Variants in MPPED2 observed in about 807,000 individuals in gnomAD.
The protein encoded by MPPED2 is metallophosphoesterase MPPED2.
Under a neutral mutation model 33.0 loss-of-function variants are expected in MPPED2, and 5 were observed. The observed-to-expected ratio is 0.15, with a 90% CI of 0.08 to 0.32. The LOEUF is 0.32. Among genes scored for constraint, MPPED2 ranks in the 10% least tolerant of loss-of-function variants. The pLI is 1.00. For missense variants in MPPED2, 275 were observed against 372.1 expected, an observed-to-expected ratio of 0.74 and a Z score of 2.15; for synonymous variants, 136 against 141.9, an observed-to-expected ratio of 0.96 and a Z score of 0.29.
chr11:30,476,187 T>G (rs894083367), intron 4 of MPPED2, among the ~76,000 whole-genome samples: 4 of 152,020 alleles, frequency 2.6e-5, no homozygotes, highest in African/African-American at 9.7e-5. Context: ...TATGTTCCCC[T>G]AGACTATGTT....
downstream of MPPED2, among the ~76,000 whole-genome samples, chr11:30,406,050 A>T (rs1480245021): frequency 6.6e-6 from 1 of 152,146 alleles, no homozygotes; most frequent in South Asian, 2.1e-4. Flanking sequence ...TCATGTTCTG[A>T]GGTAGAAAAG....
At chr11:30,444,012 T>C (rs1361633202) in intron 4 of MPPED2, among the ~76,000 whole-genome samples, 2 of 152,234 alleles carry the variant, frequency 1.3e-5, no homozygotes, top group Non-Finnish European at 2.9e-5. Flanking sequence ...CTTTTTTGTG[T>C]TATTGCTATC....
intron 4 of MPPED2, among the ~76,000 whole-genome samples, chr11:30,475,221 T>C (rs1316241561): frequency 6.6e-6 from 1 of 152,174 alleles, no homozygotes; most frequent in East Asian, 1.9e-4. Flanking sequence ...TCATATCGAA[T>C]AAATGTTTAA....
intron 2 of MPPED2, among the ~76,000 whole-genome samples, chr11:30,570,844 C>T (rs1468513084): frequency 2.0e-5 from 3 of 152,138 alleles, no homozygotes; most frequent in Non-Finnish European, 4.4e-5. Context: ...ACAAGTAAGC[C>T]ACTTTTCTTA....
At chr11:30,585,362 C>A (rs1423768755) in intron 1 of MPPED2, among the ~76,000 whole-genome samples, 1 of 151,904 alleles carries the variant, frequency 6.6e-6, no homozygotes, top group African/African-American at 2.4e-5. Flanking sequence ...TGAGAAAGAG[C>A]CCCGAGCGAG....
intron 2 of MPPED2, among the ~76,000 whole-genome samples, chr11:30,537,618 T>A (rs10835685): frequency 0.19 from 28,308 of 152,058 alleles, 3,116 homozygotes; most frequent in Non-Finnish European, 0.25. Flanking sequence ...TTTTATTTCC[T>A]CTTATCTGTG....
chr11:30,540,003 T>C (rs908575315), intron 2 of MPPED2, among the ~76,000 whole-genome samples: 2 of 152,178 alleles, frequency 1.3e-5, no homozygotes, highest in African/African-American at 4.8e-5. Context: ...AGTTTTTTCA[T>C]AGCTTTACTT....
intron 3 of MPPED2, among the ~76,000 whole-genome samples, chr11:30,531,298 T>C (rs1050140407): frequency 6.6e-6 from 1 of 152,176 alleles, no homozygotes; most frequent in Non-Finnish European, 1.5e-5. Context: ...AAGACAGCAC[T>C]ACGGGCAGCA....
At chr11:30,582,241 T>C (rs770880902) in intron 1 of MPPED2, among the ~76,000 whole-genome samples, 1 of 151,812 alleles carries the variant, frequency 6.6e-6, no homozygotes, top group Non-Finnish European at 1.5e-5. Context: ...CATAATTGCG[T>C]CGCGCTGAAA....
intron 2 of MPPED2, among the ~76,000 whole-genome samples, chr11:30,547,196 A>T (rs1464556627): frequency 6.6e-6 from 1 of 152,230 alleles, no homozygotes; most frequent in Non-Finnish European, 1.5e-5. Context: ...AACTTCAAAC[A>T]CTAACAAAGA....
chr11:30,458,636 C>A (rs377403586), intron 4 of MPPED2, among the ~76,000 whole-genome samples: 3 of 152,306 alleles, frequency 2.0e-5, no homozygotes, highest in Admixed American at 6.5e-5. Flanking sequence ...CCAACCCAAA[C>A]ACCTACAGCT....
intron 4 of MPPED2, among the ~76,000 whole-genome samples, chr11:30,464,829 C>T (rs1950643241): frequency 6.6e-6 from 1 of 152,150 alleles, no homozygotes; most frequent in African/African-American, 2.4e-5. Context: ...ACTAACTCGT[C>T]TTCAAGGAAC....
At chr11:30,472,555 T>C (rs910547611) in intron 4 of MPPED2, among the ~76,000 whole-genome samples, 2 of 152,166 alleles carry the variant, frequency 1.3e-5, no homozygotes, top group African/African-American at 2.4e-5. Context: ...ATGTGATGTA[T>C]ACATACAATG....
intron 4 of MPPED2, among the ~76,000 whole-genome samples, chr11:30,446,598 GT>G (rs1227064618): frequency 3.3e-5 from 5 of 152,076 alleles, no homozygotes; most frequent in African/African-American, 1.2e-4. Flanking sequence ...ATTCTTCTTT[GT>G]AGGCAGGATT....
intron 3 of MPPED2, among the ~76,000 whole-genome samples, chr11:30,519,859 G>A (rs1953755274): frequency 6.6e-6 from 1 of 152,108 alleles, no homozygotes; most frequent in Non-Finnish European, 1.5e-5. Flanking sequence ...ATAAAGGGAA[G>A]AACTATACAG....
chr11:30,482,571 T>C (rs150618054), intron 4 of MPPED2, among the ~76,000 whole-genome samples: 20 of 152,336 alleles, frequency 1.3e-4, no homozygotes, highest in African/African-American at 4.8e-4. Flanking sequence ...TTCCCTTTCA[T>C]TGTTTTTTCT....
At chr11:30,422,491 T>G (rs1948654645) in intron 4 of MPPED2, among the ~76,000 whole-genome samples, 1 of 152,178 alleles carries the variant, frequency 6.6e-6, no homozygotes, top group African/African-American at 2.4e-5. Flanking sequence ...GAACACTGAA[T>G]GTGTCAGTGC....
intron 6 of MPPED2, among the ~76,000 whole-genome samples, chr11:30,405,050 G>A (rs1442233771): frequency 6.6e-6 from 1 of 152,102 alleles, no homozygotes; most frequent in Non-Finnish European, 1.5e-5. Flanking sequence ...CACCAAAGGG[G>A]GGTGTTCTGG....
chr11:30,431,944 G>C (rs756671167), intron 4 of MPPED2, among the ~76,000 whole-genome samples: 4 of 152,166 alleles, frequency 2.6e-5, no homozygotes, highest in Non-Finnish European at 2.9e-5. Context: ...GGAGGCCAAG[G>C]TGGGTGGATC....
Sources: allele counts gnomAD v4.1 joint callset (sites outside exome capture counted in the v4.1 genomes callset), GRCh38; gene constraint gnomAD v4.1.1; transcripts MANE v1.5; gene names NCBI Gene and HGNC (gene_info 2026-07-23, HGNC 2026-07-21).